GAB2: variants seen among roughly 807,000 people sequenced by gnomAD.
GAB2 encodes GRB2-associated-binding protein 2.
Under a neutral mutation model 65.5 loss-of-function variants are expected in GAB2, and 26 were observed. That is an observed-to-expected ratio of 0.40 (90% confidence interval 0.29 to 0.55). The LOEUF (loss-of-function observed/expected upper bound fraction) is 0.55, where lower values mean the gene tolerates loss of function less well. Among genes scored for constraint, GAB2 ranks in the 20% least tolerant of loss-of-function variants. GAB2 has a pLI of 0.53. For synonymous variants in GAB2, 321 were observed against 329.6 expected, an observed-to-expected ratio of 0.97 and a Z score of 0.28; for missense variants, 884 against 875.8, an observed-to-expected ratio of 1.01 and a Z score of -0.12.
rs1275597126 is a variant in GAB2, at chr11:78,323,380, T to C, written c.76-42479A>G. Among the ~76,000 whole-genome samples, 3 of 152,014 alleles carry C rather than the reference T, an allele frequency of 2.0e-5. No individual in the cohort carries two copies. The East Asian group carries it at 5.8e-4, about 29-fold the overall frequency. ...AAAAAGTTACCTGGGCATGGTGACG[T>C]GTGCCTGTAATCCCAGCTACTTGAG... On this transcript the variant is annotated intron_variant, in intron 1 of 9. Transcript: ENST00000361507.
chr11:78,332,652 T>C (rs113777501), intron 1 of GAB2, among the ~76,000 whole-genome samples: 1,621 of 152,294 alleles, frequency 0.011, 22 homozygotes, highest in African/African-American at 0.037. Context: ...GAGGTAGCAA[T>C]GGCATGCAGG....
At chr11:78,409,834 A>T (rs1218885317) in intron 1 of GAB2, among the ~76,000 whole-genome samples, 1 of 152,190 alleles carries the variant, frequency 6.6e-6, no homozygotes, top group Non-Finnish European at 1.5e-5. Context: ...TTTTCAAAGT[A>T]CCCATGGAAC....
At chr11:78,302,528 C>G (rs1867056071) in intron 1 of GAB2, among the ~76,000 whole-genome samples, 1 of 151,144 alleles carries the variant, frequency 6.6e-6, no homozygotes, top group Admixed American at 6.6e-5. Context: ...AAAAACAAAA[C>G]AGATGTTGGC....
chr11:78,258,400 AC>A (rs1303716088), intron 2 of GAB2, among the ~76,000 whole-genome samples: 1 of 152,220 alleles, frequency 6.6e-6, no homozygotes, highest in Non-Finnish European at 1.5e-5. Context: ...ATAAGCATCC[AC>A]GTTCTCTCTG....
chr11:78,236,887 G>A lies in GAB2; in HGVS notation c.621-9836C>T, dbSNP rs138364040. Among the ~76,000 whole-genome samples the A allele has an allele frequency of 2.7e-3, 410 of 151,972 alleles. 3 individuals carry two copies. The highest frequency in any genetic ancestry group is 8.8e-3 in the African/African-American group (363 of 41,426). ...GCATATTCCCTAAAATATATATATT[G>A]TCCCAAACAGACACATATAGATATA... On this transcript the variant is annotated intron_variant, in intron 3 of 9. Coordinates refer to ENST00000361507, the MANE Select transcript of GAB2 (RefSeq NM_080491.3).
chr11:78,280,446 C>G, intron 2 of GAB2, 155 bp downstream of exon 2: 2 of 673,054 alleles, frequency 3.0e-6, no homozygotes. Flanking sequence ...CCAGGTGTCC[C>G]TCTAATATTT....
At chr11:78,285,873 A>G (rs972531089) in intron 1 of GAB2, among the ~76,000 whole-genome samples, 1 of 152,152 alleles carries the variant, frequency 6.6e-6, no homozygotes, top group Non-Finnish European at 1.5e-5. Context: ...GTGGACCTCT[A>G]TTTCCTCGGA....
At chr11:78,354,549 G>C (rs977528042) in intron 1 of GAB2, among the ~76,000 whole-genome samples, 1 of 152,096 alleles carries the variant, frequency 6.6e-6, no homozygotes, top group East Asian at 1.9e-4. Context: ...CATCTGGAGT[G>C]GGGGCTAGGC....
chr11:78,405,424 C>G (rs1265904840), intron 1 of GAB2, among the ~76,000 whole-genome samples: 1 of 152,130 alleles, frequency 6.6e-6, no homozygotes, highest in Non-Finnish European at 1.5e-5. Flanking sequence ...AATGAGAAGA[C>G]TTGGTTTGTA....
At chr11:78,310,737 C>T (rs1053193742) in intron 1 of GAB2, among the ~76,000 whole-genome samples, 29 of 152,150 alleles carry the variant, frequency 1.9e-4, no homozygotes, top group Non-Finnish European at 3.2e-4. Flanking sequence ...GTTCCAGCGC[C>T]ACTGTCCTTC....
At chr11:78,311,896 G>C (rs1855506386) in intron 1 of GAB2, among the ~76,000 whole-genome samples, 1 of 152,204 alleles carries the variant, frequency 6.6e-6, no homozygotes, top group African/African-American at 2.4e-5. Context: ...GAGGCCCTGA[G>C]ATGGGGTGAG....
At chr11:78,273,857 T>C (rs1457609466) in intron 2 of GAB2, among the ~76,000 whole-genome samples, 1 of 152,170 alleles carries the variant, frequency 6.6e-6, no homozygotes, top group Non-Finnish European at 1.5e-5. Context: ...TCATGATACC[T>C]GACGGTTTTA....
At chr11:78,267,399 T>C (rs1865898886) in intron 2 of GAB2, among the ~76,000 whole-genome samples, 1 of 152,210 alleles carries the variant, frequency 6.6e-6, no homozygotes, top group South Asian at 2.1e-4. Flanking sequence ...GACTCTTCCA[T>C]TTCATGGACA....
intron 1 of GAB2, among the ~76,000 whole-genome samples, chr11:78,400,123 CA>C (rs1856950633): frequency 6.6e-6 from 1 of 152,142 alleles, no homozygotes; most frequent in South Asian, 2.1e-4. Context: ...TCTGAACTTT[CA>C]AAACTTCCTG....
At chr11:78,380,611 C>G (rs1856685376) in intron 1 of GAB2, among the ~76,000 whole-genome samples, 1 of 152,168 alleles carries the variant, frequency 6.6e-6, no homozygotes, top group African/African-American at 2.4e-5. Context: ...CTACATTTTC[C>G]ACTCTTGTCT....
intron 1 of GAB2, among the ~76,000 whole-genome samples, chr11:78,328,953 G>A (rs1183161838): frequency 1.3e-5 from 2 of 152,086 alleles, no homozygotes; most frequent in Non-Finnish European, 2.9e-5. Context: ...CAACAGATGT[G>A]GAACTCTAGG....
intron 1 of GAB2, among the ~76,000 whole-genome samples, chr11:78,336,079 G>A (rs930954020): frequency 5.9e-5 from 9 of 151,936 alleles, no homozygotes; most frequent in Non-Finnish European, 1.3e-4. Context: ...TTTGGGAGGC[G>A]GAGGGAGGCG....
At chr11:78,370,869 G>A (rs1298839922) in intron 1 of GAB2, among the ~76,000 whole-genome samples, 1 of 151,924 alleles carries the variant, frequency 6.6e-6, no homozygotes, top group South Asian at 2.1e-4. Flanking sequence ...CTACTTCCAG[G>A]CTGTGTTTAC....
rs1296008887 is a variant in GAB2 at position 78,346,699 on chromosome 11, ATATATATATATATATATATATAATTTT to A, written c.76-65825_76-65799del. On this transcript the variant is annotated intron_variant, in intron 1 of 9. Transcript: ENST00000361507. ...CATATATATATATATATATATATAT[ATATATATATATATATATATATAATTTT>A]TTTTTTTTTTAGGAAAAGAAACAAA... is the stretch of plus-strand genomic sequence containing the variant. Among the ~76,000 whole-genome samples the A allele has an allele frequency of 2.2e-4, 21 of 94,822 alleles. 2 individuals are homozygous for A. Among genetic ancestry groups the A allele is most frequent in the African/African-American group, 1.5e-3 (21 of 14,002 alleles). The allele number at this position is 94,822 out of a possible 152,430, so 62.2% of individuals were successfully genotyped here. A position where few individuals can be genotyped will look rare whatever the true frequency, so the allele number is the denominator to read the frequency against.
Sources: gnomAD v4.1 joint callset for allele counts (sites outside exome capture counted in the v4.1 genomes callset) on GRCh38, gnomAD v4.1.1 for gene constraint, MANE v1.5 for transcripts, NCBI Gene and HGNC (gene_info 2026-07-23, HGNC 2026-07-21) for gene names.